AP3S1: variants seen among roughly 807,000 people sequenced by gnomAD.
The protein encoded by AP3S1 is AP-3 complex subunit sigma-1.
Under a neutral mutation model 21.3 loss-of-function variants are expected in AP3S1, and 12 were observed. The ratio of observed to expected loss-of-function variants is 0.56; its 90% confidence interval spans 0.36 to 0.91. The LOEUF is 0.91. Ranked by LOEUF, AP3S1 falls within the 40% of genes least tolerant of loss-of-function variation. The pLI, the probability that AP3S1 is intolerant of heterozygous loss-of-function variation, is 0.01. For missense variants in AP3S1, 116 were observed against 225.0 expected (o/e 0.52, Z 3.10); for synonymous variants, 48 against 78.4 (o/e 0.61, Z 2.05).
chr5:115,867,862 G>A (rs1215764547), intron 2 of AP3S1, among the ~76,000 whole-genome samples: 3 of 152,122 alleles, frequency 2.0e-5, no homozygotes, highest in African/African-American at 7.2e-5. Flanking sequence ...TCTTACTAGG[G>A]TGCTATTTGA....
chr5:115,855,820 T>A (rs1762764242), intron 1 of AP3S1, among the ~76,000 whole-genome samples: 1 of 151,932 alleles, frequency 6.6e-6, no homozygotes, highest in South Asian at 2.1e-4. Flanking sequence ...CCAGAGTGAA[T>A]GAATGCATTT....
intron 3 of AP3S1, among the ~76,000 whole-genome samples, chr5:115,887,148 G>A (rs766012628): frequency 2.6e-5 from 4 of 152,098 alleles, no homozygotes; most frequent in Admixed American, 1.3e-4. Flanking sequence ...GTGATTTTAC[G>A]TTCAGTTTGT....
intron 3 of AP3S1, among the ~76,000 whole-genome samples, chr5:115,875,703 G>A (rs1050687373): frequency 4.6e-5 from 7 of 152,078 alleles, no homozygotes; most frequent in African/African-American, 9.7e-5. Context: ...GAATGCCCAG[G>A]ATCATTTTAG....
At chr5:115,871,168 G>C (rs79963217) in intron 3 of AP3S1, among the ~76,000 whole-genome samples, 4,875 of 152,218 alleles carry the variant, frequency 0.032, 284 homozygotes, top group African/African-American at 0.11. Context: ...TATTTTCCAG[G>C]GCTGTTTGAT....
At chr5:115,865,643 C>T (rs937892151) in intron 1 of AP3S1, among the ~76,000 whole-genome samples, 91 of 152,264 alleles carry the variant, frequency 6.0e-4, no homozygotes, top group African/African-American at 2.1e-3. Flanking sequence ...TGATATGGTA[C>T]ATGTGGAGCT....
intron 3 of AP3S1, among the ~76,000 whole-genome samples, chr5:115,890,496 G>A (rs1750201452): frequency 6.6e-6 from 1 of 152,160 alleles, no homozygotes; most frequent in South Asian, 2.1e-4. Flanking sequence ...TACCTTTGAT[G>A]GTTGATAAGT....
intron 3 of AP3S1, among the ~76,000 whole-genome samples, chr5:115,875,844 G>A (rs1748667275): frequency 6.6e-6 from 1 of 152,170 alleles, no homozygotes; most frequent in Admixed American, 6.6e-5. Flanking sequence ...CAGATTGTTA[G>A]AGTTGTGCAG....
At position 115,903,184 on chromosome 5, in the gene AP3S1, T is replaced by A. The variant is rs989329084; in HGVS notation, c.453+192T>A. The A allele has an allele frequency of 4.8e-5, 20 of 416,562 alleles. No individual in the cohort carries two copies. The Admixed American group carries it at 4.9e-4, about 10-fold the overall frequency. 25.8% of individuals were successfully genotyped at this position (416,562 alleles called of 1,614,324 possible). On this transcript the variant is annotated intron_variant, in intron 5 of 5. Transcript: ENST00000316788. ...GTGACTGTTCTCTACCCAACAGCTT[T>A]GTGTATTCTTCTTTTAGCCACAGTC...
intron 3 of AP3S1, among the ~76,000 whole-genome samples, chr5:115,874,848 T>C (rs954973080): frequency 2.6e-5 from 4 of 152,142 alleles, no homozygotes; most frequent in Non-Finnish European, 4.4e-5. Context: ...GAATTAAAGC[T>C]ATCTATTATC....
chr5:115,890,092 C>G (rs1750155346), intron 3 of AP3S1, among the ~76,000 whole-genome samples: 1 of 152,020 alleles, frequency 6.6e-6, no homozygotes, highest in Non-Finnish European at 1.5e-5. Context: ...CTATTTGACA[C>G]TGTATACTAA....
At chr5:115,844,910 C>G (rs1761945133) in intron 1 of AP3S1, among the ~76,000 whole-genome samples, 1 of 152,168 alleles carries the variant, frequency 6.6e-6, no homozygotes, top group Non-Finnish European at 1.5e-5. Flanking sequence ...TTTTGTCATT[C>G]TAAGCAGTCA....
At chr5:115,863,667 G>A (rs571041635) in intron 1 of AP3S1, among the ~76,000 whole-genome samples, 40 of 152,230 alleles carry the variant, frequency 2.6e-4, no homozygotes, top group African/African-American at 7.5e-4. Flanking sequence ...CCCTTTTTAC[G>A]TCGTATTGAA....
intron 4 of AP3S1, among the ~76,000 whole-genome samples, chr5:115,901,912 TAA>T (rs1264546759): frequency 6.6e-6 from 1 of 152,150 alleles, no homozygotes; most frequent in Non-Finnish European, 1.5e-5. Flanking sequence ...ATTTAACTCC[TAA>T]AAAGAGTTTG....
chr5:115,883,890 T>C (rs963260748), intron 3 of AP3S1, among the ~76,000 whole-genome samples: 3 of 152,250 alleles, frequency 2.0e-5, no homozygotes, highest in Admixed American at 6.5e-5. Context: ...CAGAGGTTAC[T>C]TTCAGTTTTA....
intron 3 of AP3S1, among the ~76,000 whole-genome samples, chr5:115,892,741 T>C (rs1416575743): frequency 1.3e-5 from 2 of 152,170 alleles, no homozygotes; most frequent in African/African-American, 4.8e-5. Flanking sequence ...TAAGACCTAC[T>C]ATTTGATAGC....
intron 4 of AP3S1, among the ~76,000 whole-genome samples, chr5:115,900,601 C>T (rs188894589): frequency 3.1e-4 from 47 of 152,326 alleles, no homozygotes; most frequent in African/African-American, 1.1e-3. Context: ...TATGAAGTTG[C>T]TCATTGTTTT....
At chr5:115,903,015 T>A in intron 5 of AP3S1, 23 bp downstream of exon 5, 1 of 572,016 alleles carries the variant, frequency 1.7e-6, no homozygotes, top group Non-Finnish European at 2.5e-6. Context: ...AATGCTGTAG[T>A]TAAGAAGGTT....
chr5:115,890,939 C>T (rs1310333796), intron 3 of AP3S1, among the ~76,000 whole-genome samples: 1 of 152,084 alleles, frequency 6.6e-6, no homozygotes, highest in Non-Finnish European at 1.5e-5. Flanking sequence ...CTCTTCACTC[C>T]TATTATTACT....
intron 3 of AP3S1, among the ~76,000 whole-genome samples, chr5:115,873,742 TTCA>T (rs770308821): frequency 6.6e-6 from 1 of 152,294 alleles, no homozygotes; most frequent in East Asian, 1.9e-4. Context: ...TCTTAATTTG[TTCA>T]TCCTCTAGTT....
Sources: allele counts gnomAD v4.1 joint callset (sites outside exome capture counted in the v4.1 genomes callset), GRCh38; gene constraint gnomAD v4.1.1; transcripts MANE v1.5; gene names NCBI Gene and HGNC (gene_info 2026-07-23, HGNC 2026-07-21).